PALD1: variants seen among roughly 807,000 people sequenced by gnomAD.
PALD1 encodes the protein phosphatase domain containing paladin 1.
Under a neutral mutation model 96.0 loss-of-function variants are expected in PALD1, and 57 were observed. The observed-to-expected ratio is 0.59, with a 90% CI of 0.48 to 0.74. The LOEUF (loss-of-function observed/expected upper bound fraction) is 0.74. Among genes scored for constraint, PALD1 ranks in the 30% least tolerant of loss-of-function variants. The probability of loss-of-function intolerance (pLI) is 0.00; values close to 1 mark genes in which losing one functional copy is unlikely to be tolerated. For missense variants in PALD1, 1,063 were observed against 1,143.7 expected (o/e 0.93, Z 1.02); for synonymous variants, 464 against 473.6 (o/e 0.98, Z 0.26).
At chr10:70,505,419 T>C (rs1042204802) in intron 1 of PALD1, among the ~76,000 whole-genome samples, 1 of 151,880 alleles carries the variant, frequency 6.6e-6, no homozygotes, top group Non-Finnish European at 1.5e-5. Context: ...GAGACCAACA[T>C]GGAGAAACCC....
At chr10:70,464,511 G>A in the PALD1 span, among the ~76,000 whole-genome samples, 1 of 151,966 alleles carries the variant, frequency 6.6e-6, no homozygotes, top group Non-Finnish European at 1.5e-5. Flanking sequence ...ACCGCACCCG[G>A]CCTGGCTTCT....
At chr10:70,554,938 TCCCCTCCCCCTCCTCCCCCC>T (rs1847567927) in intron 18 of PALD1, among the ~76,000 whole-genome samples, 1 of 2,376 alleles carries the variant, frequency 4.2e-4, no homozygotes, top group Non-Finnish European at 7.4e-4. Flanking sequence ...CTCCTCCCCC[TCCCCTCCCCCTCCTCCCCCC>T]TCCCCTCCCC....
At chr10:70,497,628 G>A (rs952458028) in intron 1 of PALD1, among the ~76,000 whole-genome samples, 2 of 150,958 alleles carry the variant, frequency 1.3e-5, no homozygotes, top group African/African-American at 2.4e-5. Flanking sequence ...CAGTAGTAGC[G>A]CGATCTCGGC....
In PALD1 at chr10:70,531,376, G is replaced by A. The variant is rs765127215; in HGVS notation, c.555G>A (p.Lys185=). ...EDFVSYTPRD[K]QNLHENLQGL... ...TTGTGTCCTACACACCTCGAGACAA[G>A]CAGAACCTTCATGAGAACCTCCAGG... is the stretch of plus-strand genomic sequence containing the variant. The change falls in exon 5 of 20, where the codon AAG becomes AAA. Residue 185 remains lysine, a synonymous_variant. Coordinates refer to ENST00000263563, the MANE Select transcript of PALD1 (RefSeq NM_014431.3). The A allele has an allele frequency of 2.3e-5, 37 of 1,613,996 alleles. No homozygotes were observed. The highest frequency in any genetic ancestry group is 3.0e-5 in the Non-Finnish European group (35 of 1,179,986).
At chr10:70,563,844 A>T (rs1388064421) in intron 18 of PALD1, among the ~76,000 whole-genome samples, 1 of 151,944 alleles carries the variant, frequency 6.6e-6, no homozygotes, top group African/African-American at 2.4e-5. Context: ...AGCCTTGATG[A>T]CCCCTGCCAT....
At position 70,483,541 on chromosome 10, in the gene PALD1, C is replaced by T. The variant is rs187210786; in HGVS notation, c.-30+4482C>T. On this transcript the variant is annotated intron_variant, in intron 1 of 19. Transcript: ENST00000263563. ...GGGCTGTGGGTACCCTGGGAAACGG[C>T]CAACAGGCTGGGCTGGGGCCCATGG... 1.8e-3 allele frequency among the ~76,000 whole-genome samples: 273 copies of T among 152,252 alleles called. 1 individual carries two copies. Among genetic ancestry groups the T allele is most frequent in the African/African-American group, 6.2e-3 (259 of 41,542 alleles).
chr10:70,513,753 A>G (rs933049495), intron 1 of PALD1, among the ~76,000 whole-genome samples: 3 of 152,156 alleles, frequency 2.0e-5, no homozygotes, highest in African/African-American at 4.8e-5. Flanking sequence ...TGTCCTCAAA[A>G]TGCTCATTAC....
Position 70,539,626 on chromosome 10 carries a change from G to A in PALD1, c.1772G>A (p.Gly591Asp). 6.2e-7 allele frequency: 1 copy of A among 1,613,330 alleles called. No individual in the cohort carries two copies. Among genetic ancestry groups the A allele is most frequent in the South Asian group, 1.1e-5 (1 of 91,062 alleles). Residue 591 changes from glycine to aspartate, a missense_variant, in exon 15 of 20, where the codon GGC (glycine) becomes GAC (aspartate). By Grantham distance (94) the Gly-to-Asp change is moderately conservative. Transcript: ENST00000263563. The surrounding 1 kb of genome is among the most constrained non-coding windows in gnomAD (Gnocchi z 4.5). ...LKAHLSEPPPGKEGPLTYRFQ... is the reference protein window; with the variant it reads ...LKAHLSEPPPDKEGPLTYRFQ... ...GCCCATCTAAGCGAGCCTCCCCCAG[G>A]CAAGGAGGGCCCCCTGACCTACAGG...
the PALD1 span, among the ~76,000 whole-genome samples, chr10:70,463,952 A>T: frequency 1.3e-5 from 2 of 152,166 alleles, no homozygotes; most frequent in Admixed American, 1.3e-4. Context: ...GAAGGGGATG[A>T]TGAAGATACA....
intron 11 of PALD1, 102 bp from the exon 12 acceptor site, chr10:70,538,178 T>C (rs1705683851): frequency 2.4e-6 from 3 of 1,239,372 alleles, no homozygotes; most frequent in Admixed American, 1.8e-5. Context: ...CTCTGGGCCA[T>C]GTTGGATATC....
intron 1 of PALD1, among the ~76,000 whole-genome samples, chr10:70,519,014 T>G (rs1846672415): frequency 6.6e-6 from 1 of 152,276 alleles, no homozygotes; most frequent in Admixed American, 6.5e-5. Flanking sequence ...GTCCCAATTC[T>G]GTCCTTGTGG....
intron 1 of PALD1, among the ~76,000 whole-genome samples, chr10:70,479,282 C>T (rs1589165432): frequency 6.6e-6 from 1 of 152,304 alleles, no homozygotes; most frequent in East Asian, 1.9e-4. Flanking sequence ...CCTGGGCTAC[C>T]CCCTCTCCCG....
At chr10:70,553,999 T>C (rs1589217128) in intron 18 of PALD1, among the ~76,000 whole-genome samples, 1 of 152,228 alleles carries the variant, frequency 6.6e-6, no homozygotes, top group Non-Finnish European at 1.5e-5. Context: ...CTTCTCTCTA[T>C]GCCTGTCTCA....
intron 10 of PALD1, among the ~76,000 whole-genome samples, chr10:70,537,210 C>T (rs886629576): frequency 2.6e-5 from 4 of 152,104 alleles, no homozygotes; most frequent in African/African-American, 9.6e-5. Context: ...CAGGCTCAAG[C>T]GATTCTCCCA....
At chr10:70,502,237 T>C (rs1373994632) in intron 1 of PALD1, among the ~76,000 whole-genome samples, 1 of 152,198 alleles carries the variant, frequency 6.6e-6, no homozygotes, top group African/African-American at 2.4e-5. Context: ...TTGCCTGTTT[T>C]TGAGTTTTAG....
At chr10:70,535,674 C>CTT (rs1281687950) in intron 10 of PALD1, among the ~76,000 whole-genome samples, 4 of 120,458 alleles carry the variant, frequency 3.3e-5, no homozygotes, top group Admixed American at 1.8e-4. Context: ...CCTCCTTCTC[C>CTT]TTTCTTCTCC....
intron 1 of PALD1, among the ~76,000 whole-genome samples, chr10:70,499,798 G>A (rs56928593): frequency 0.04 from 6,072 of 152,264 alleles, 388 homozygotes; most frequent in African/African-American, 0.14. Flanking sequence ...GGCATTCAGG[G>A]CCAGACGGCC....
At chr10:70,508,854 T>TGTGTGTGTGTGTGTGC (rs1406004914) in intron 1 of PALD1, among the ~76,000 whole-genome samples, 2 of 122,454 alleles carry the variant, frequency 1.6e-5, no homozygotes, top group South Asian at 2.7e-4. Flanking sequence ...TGTGTGTGTG[T>TGTGTGTGTGTGTGTGC]GTGCAGGCCT....
chr10:70,544,326 G>T (rs1186117303), intron 17 of PALD1, among the ~76,000 whole-genome samples: 3 of 152,170 alleles, frequency 2.0e-5, no homozygotes, highest in Non-Finnish European at 4.4e-5. Context: ...CAGAAGGGAA[G>T]CAGGCAGGAC....
Sources: allele counts gnomAD v4.1 joint callset (sites outside exome capture counted in the v4.1 genomes callset), GRCh38; gene constraint gnomAD v4.1.1; non-coding constraint Gnocchi (gnomAD v3.1); transcripts MANE v1.5; gene names NCBI Gene and HGNC (gene_info 2026-07-23, HGNC 2026-07-21).